Variants in ATP6V0A4 observed in about 807,000 individuals in gnomAD.
ATP6V0A4 encodes the protein V-type proton ATPase 116 kDa subunit a 4.
ATP6V0A4 carries 86 observed loss-of-function variants against 107.3 expected under a neutral mutation model. The ratio of observed to expected loss-of-function variants is 0.80; its 90% CI spans 0.67 to 0.96. The LOEUF (loss-of-function observed/expected upper bound fraction) is 0.96, where lower values mean the gene tolerates loss of function less well. Among genes scored for constraint, ATP6V0A4 ranks in the 40% least tolerant of loss-of-function variants. ATP6V0A4 has a pLI of 0.00. For missense variants in ATP6V0A4, 908 were observed against 1,045.6 expected, an observed-to-expected ratio of 0.87 and a Z score of 1.81; for synonymous variants, 353 against 381.4, an observed-to-expected ratio of 0.93 and a Z score of 0.87.
chr7:138,776,816 T>C (rs1807679488), intron 2 of ATP6V0A4, among the ~76,000 whole-genome samples: 1 of 152,148 alleles, frequency 6.6e-6, no homozygotes, highest in Non-Finnish European at 1.5e-5. Flanking sequence ...AGGGCCTCAG[T>C]GACCTTATCT....
At chr7:138,744,175 C>T (rs781076771) in intron 14 of ATP6V0A4, among the ~76,000 whole-genome samples, 4 of 151,940 alleles carry the variant, frequency 2.6e-5, no homozygotes, top group Non-Finnish European at 5.9e-5. Context: ...CTGCCCCCAA[C>T]TCTGTCAGCC....
At chr7:138,742,434 A>T (rs1805677822) in intron 14 of ATP6V0A4, among the ~76,000 whole-genome samples, 1 of 152,192 alleles carries the variant, frequency 6.6e-6, no homozygotes, top group African/African-American at 2.4e-5. Flanking sequence ...CTCAAAATAA[A>T]AAATAAATAA....
At chr7:138,771,823 G>A (rs1214490758) in intron 2 of ATP6V0A4, among the ~76,000 whole-genome samples, 1 of 152,134 alleles carries the variant, frequency 6.6e-6, no homozygotes, top group Non-Finnish European at 1.5e-5. Flanking sequence ...GTCTTGCTGT[G>A]TTGCCCAGGC....
At chr7:138,759,619 A>C (rs1159542177) in intron 8 of ATP6V0A4, 133 bp downstream of exon 8, 1 of 1,008,848 alleles carries the variant, frequency 9.9e-7, no homozygotes, top group South Asian at 1.4e-5. Flanking sequence ...AGGGAAGGAA[A>C]AAAAGGAGAA....
At chr7:138,768,148 G>T (rs1360982160) in intron 5 of ATP6V0A4, among the ~76,000 whole-genome samples, 1 of 152,154 alleles carries the variant, frequency 6.6e-6, no homozygotes, top group Admixed American at 6.5e-5. Flanking sequence ...TGGCCAGGCT[G>T]GTCTCGAATT....
chr7:138,741,876 C>T (rs1462969163), intron 14 of ATP6V0A4, among the ~76,000 whole-genome samples: 3 of 152,216 alleles, frequency 2.0e-5, no homozygotes, highest in African/African-American at 7.2e-5. Flanking sequence ...CTGTCGTTTT[C>T]TTCTGCCACA....
chr7:138,710,468 C>T (rs564793225), intron 20 of ATP6V0A4, among the ~76,000 whole-genome samples: 28 of 152,258 alleles, frequency 1.8e-4, no homozygotes, highest in South Asian at 8.3e-4. Context: ...GGATTACAGG[C>T]GTAAGCCACC....
chr7:138,797,208 C>CTTTTTTTT (rs3842142), intron 1 of ATP6V0A4, among the ~76,000 whole-genome samples: 24 of 96,096 alleles, frequency 2.5e-4, no homozygotes, highest in African/African-American at 7.1e-4. Flanking sequence ...ATGCCATTTT[C>CTTTTTTTT]TTTTTTTTTT....
chr7:138,708,644 T>C (rs1225641128), intron 21 of ATP6V0A4, among the ~76,000 whole-genome samples: 1 of 152,136 alleles, frequency 6.6e-6, no homozygotes, highest in African/African-American at 2.4e-5. Flanking sequence ...CGACGGCTGA[T>C]TGTCACTGGA....
At position 138,771,244 on chromosome 7, in the gene ATP6V0A4, C is replaced by A; in HGVS notation, c.4G>T (p.Val2Leu). 6.2e-7 allele frequency: 1 copy of A among 1,612,908 alleles called. No homozygotes were observed. Among genetic ancestry groups the A allele is most frequent in the Non-Finnish European group, 8.5e-7 (1 of 1,179,012 alleles). ...ATCTCCTCGCTTCGAAACACAGACA[C>A]CATCTTGGCCCAGCCTCGGTCTACA... MVSVFRSEEMCL... is the reference protein window; with the variant it reads MLSVFRSEEMCL... Residue 2 changes from valine to leucine, a missense_variant, in exon 3 of 22, where the codon GTG becomes TTG. Val to Leu is a conservative substitution (Grantham distance 32). Transcript: ENST00000310018.
intron 2 of ATP6V0A4, among the ~76,000 whole-genome samples, chr7:138,781,622 G>A (rs908035509): frequency 2.3e-4 from 34 of 147,218 alleles, no homozygotes; most frequent in African/African-American, 6.7e-4. Flanking sequence ...GAGCCACCGC[G>A]CCCAGCCTCT....
intron 17 of ATP6V0A4, among the ~76,000 whole-genome samples, chr7:138,732,204 TA>T (rs1280673225): frequency 2.6e-5 from 4 of 152,176 alleles, no homozygotes; most frequent in African/African-American, 9.7e-5. Context: ...ACTCTTTGAA[TA>T]AAAGATTATT....
chr7:138,724,917 G>A lies in ATP6V0A4; in HGVS notation c.2011-2892C>T, dbSNP rs562401074. 4.8e-4 allele frequency among the ~76,000 whole-genome samples: 73 copies of A among 152,114 alleles called. 1 individual carries two copies. The highest frequency in any genetic ancestry group is 1.0e-4 in the Non-Finnish European group (7 of 68,038). On this transcript the variant is annotated intron_variant, in intron 18 of 21. Transcript: ENST00000310018. ...ACTAAAATCGCACAATGCTTAAGCT[G>A]GGTGGCGTATGAAATAAAACATATA...
At position 138,706,556 on chromosome 7, in the gene ATP6V0A4, G is replaced by T; in HGVS notation, c.*68C>A. ...TCCCATTGAGCGCCTTGCAGGGGCT[G>T]ATATCAAAGACAAGACTGAACTTCC... On this transcript the variant is annotated 3_prime_UTR_variant, in exon 22 of 22. Coordinates refer to ENST00000310018, the MANE Select transcript of ATP6V0A4 (RefSeq NM_020632.3). 6.3e-7 allele frequency: 1 copy of T among 1,575,812 alleles called. No individual in the cohort carries two copies. The highest frequency in any genetic ancestry group is 1.1e-5 in the South Asian group (1 of 89,902).
Position 138,762,291 on chromosome 7 carries a change from A to G in ATP6V0A4, c.512+49T>C, listed in dbSNP as rs776133058. 8.8e-6 allele frequency: 14 copies of G among 1,595,300 alleles called. No individual in the cohort carries two copies. In the African/African-American group the frequency reaches 1.1e-4, roughly 12 times the overall value. ...CACCCGTTCATTCACTCACTCAGAAATCACTCGCCAGGACCAGGGACCCAT... is the reference window on the plus strand; with the variant it reads ...CACCCGTTCATTCACTCACTCAGAAGTCACTCGCCAGGACCAGGGACCCAT... On this transcript the variant is annotated intron_variant, in intron 7 of 21. Transcript: ENST00000310018.
chr7:138,709,481 C>T (rs1562974305), intron 21 of ATP6V0A4, 143 bp downstream of exon 21: 1 of 746,834 alleles, frequency 1.3e-6, no homozygotes, highest in Non-Finnish European at 2.4e-6. Context: ...ATTACACCAA[C>T]AGATGACTAA....
intron 19 of ATP6V0A4, among the ~76,000 whole-genome samples, chr7:138,718,158 G>A (rs372196368): frequency 1.7e-3 from 67 of 40,118 alleles, no homozygotes; most frequent in South Asian, 2.2e-3. Flanking sequence ...AAGGGGGGAT[G>A]CAGTCACGGA....
intron 9 of ATP6V0A4, chr7:138,755,990 T>C: frequency 2.4e-6 from 2 of 836,628 alleles, no homozygotes; most frequent in Non-Finnish European, 1.8e-6. Flanking sequence ...TGCAGTTCTG[T>C]TATATGAATG....
chr7:138,712,819 C>T lies in ATP6V0A4; in HGVS notation c.2257+2945G>A, dbSNP rs529027776. Among the ~76,000 whole-genome samples the T allele has an allele frequency of 2.1e-3, 322 of 152,268 alleles. 4 individuals are homozygous for T. In the South Asian group the frequency reaches 0.027, roughly 13 times the overall value. On this transcript the variant is annotated intron_variant, in intron 20 of 21. Transcript: ENST00000310018. Reference sequence around the variant, plus strand: ...GCCAAGAATACCAAAACTCCTCCTCCTGTCTTATCTAGACTCAGCCCTATT... The same window carrying T: ...GCCAAGAATACCAAAACTCCTCCTCTTGTCTTATCTAGACTCAGCCCTATT...
Sources: allele counts gnomAD v4.1 joint callset (sites outside exome capture counted in the v4.1 genomes callset), GRCh38; gene constraint gnomAD v4.1.1; transcripts MANE v1.5; gene names NCBI Gene and HGNC (gene_info 2026-07-23, HGNC 2026-07-21).